Variants in MAK observed in about 807,000 individuals in gnomAD.
MAK encodes the protein male germ cell associated kinase, also known as serine/threonine-protein kinase MAK.
A neutral mutation model predicts 82.6 loss-of-function variants in MAK; 65 were observed. The ratio of observed to expected loss-of-function variants is 0.79; its 90% confidence interval spans 0.64 to 0.97. The LOEUF is 0.97. Ranked by LOEUF, MAK falls within the 50% of genes least tolerant of loss-of-function variation. The pLI, the probability that MAK is intolerant of heterozygous loss-of-function variation, is 0.00. For missense variants in MAK, 703 were observed against 780.2 expected, an observed-to-expected ratio of 0.90 and a Z score of 1.18; for synonymous variants, 250 against 274.2, an observed-to-expected ratio of 0.91 and a Z score of 0.87.
chr6:10,769,046 C>CA (rs1157260727), intron 14 of MAK, among the ~76,000 whole-genome samples: 1 of 152,062 alleles, frequency 6.6e-6, no homozygotes, highest in Non-Finnish European at 1.5e-5. Flanking sequence ...CCTGTCCCTA[C>CA]AAAAAACATT....
At position 10,775,392 on chromosome 6, in the gene MAK, G is replaced by T; in HGVS notation, c.1533C>A (p.Asn511Lys). ...GKEINPHTWS[N>K]QLFPKSLGPV... Reference sequence around the variant, plus strand: ...GTCCCAGTGACTTGGGGAATAACTGGTTGCTCCAAGTGTGGGGGTTTATTT... The same window carrying T: ...GTCCCAGTGACTTGGGGAATAACTGTTTGCTCCAAGTGTGGGGGTTTATTT... The change falls in exon 12 of 15, where the codon AAC (asparagine) becomes AAA (lysine). Residue 511 changes from asparagine (N) to lysine (K), a missense_variant. Asn to Lys is a moderately conservative substitution (Grantham distance 94, BLOSUM62 0). Coordinates refer to ENST00000354489, the MANE Select transcript of MAK (RefSeq NM_001242957.3). 6.2e-7 allele frequency: 1 copy of T among 1,613,976 alleles called. No homozygotes were observed. Among genetic ancestry groups the T allele is most frequent in the African/African-American group, 1.3e-5 (1 of 75,044 alleles).
intron 6 of MAK, among the ~76,000 whole-genome samples, chr6:10,807,387 G>T (rs1478797870): frequency 1.2e-4 from 15 of 126,564 alleles, no homozygotes; most frequent in African/African-American, 4.5e-4. Flanking sequence ...CTGTTGCCCA[G>T]GCTGGAGTTC....
At chr6:10,823,842 T>C (rs1466817632) in intron 2 of MAK, among the ~76,000 whole-genome samples, 1 of 152,216 alleles carries the variant, frequency 6.6e-6, no homozygotes, top group Admixed American at 6.5e-5. Context: ...GAATTTATTT[T>C]TAATTTTAGG....
intron 2 of MAK, among the ~76,000 whole-genome samples, chr6:10,826,268 T>C (rs949909111): frequency 1.3e-5 from 2 of 151,128 alleles, no homozygotes; most frequent in African/African-American, 4.9e-5. Flanking sequence ...AAAAATAATT[T>C]TCTCTCATTC....
intron 2 of MAK, 30 bp from the exon 3 acceptor site, chr6:10,818,970 C>A: frequency 7.7e-7 from 1 of 1,298,562 alleles, no homozygotes; most frequent in South Asian, 1.2e-5. Flanking sequence ...GTTTAGTGTT[C>A]AGGGATTGAG....
chr6:10,813,551 A>G (rs543869266), intron 5 of MAK, 93 bp downstream of exon 5: 43 of 783,624 alleles, frequency 5.5e-5, no homozygotes, highest in African/African-American at 4.9e-4. Context: ...TAGTTATCCA[A>G]TATAACAGTT....
rs145560975 is a variant in MAK, at chr6:10,773,444, T to C, written c.1598-336A>G. Among the ~76,000 whole-genome samples the C allele has an allele frequency of 1.7e-3, 254 of 152,304 alleles. 2 individuals are homozygous for C. Among genetic ancestry groups the C allele is most frequent in the Admixed American group, 0.014 (221 of 15,296 alleles). On this transcript the variant is annotated intron_variant, in intron 12 of 14. Transcript: ENST00000354489. Reference sequence around the variant, plus strand: ...GGATAAACTGAGTTTTTAAAGAATCTGGAAAACTTGTAAAAAGCCCAAATA... The same window carrying C: ...GGATAAACTGAGTTTTTAAAGAATCCGGAAAACTTGTAAAAAGCCCAAATA...
In MAK at chr6:10,810,118, AAG is replaced by A. The variant is rs1229069499; in HGVS notation, c.359-1178_359-1177del. On this transcript the variant is annotated intron_variant, in intron 5 of 14. Transcript: ENST00000354489. ...GTCTCAAAAAAAAAAAAAAAAAAGA[AAG>A]AAAAGAAAAAGAAAACCCAGGGGGA... Among the ~76,000 whole-genome samples, 1,069 of 141,572 alleles carry A rather than the reference AAG, an allele frequency of 7.6e-3. 10 individuals are homozygous for A. Among genetic ancestry groups the A allele is most frequent in the Admixed American group, 0.015 (209 of 14,090 alleles). 92.9% of individuals were successfully genotyped at this position (141,572 alleles called of 152,430 possible).
chr6:10,775,812 AG>A (rs1244373242), intron 11 of MAK, among the ~76,000 whole-genome samples: 1 of 152,170 alleles, frequency 6.6e-6, no homozygotes, highest in Admixed American at 6.5e-5. Context: ...GTTTTGAGAC[AG>A]GGTCTCTCTC....
intron 5 of MAK, among the ~76,000 whole-genome samples, chr6:10,812,823 C>CCACAA (rs1777050427): frequency 6.7e-6 from 1 of 149,910 alleles, no homozygotes; most frequent in Admixed American, 6.7e-5. Flanking sequence ...GAGTGCAATG[C>CCACAA]CACAATATCA....
intron 14 of MAK, among the ~76,000 whole-genome samples, chr6:10,767,125 A>G (rs1311531329): frequency 6.6e-6 from 1 of 151,938 alleles, no homozygotes; most frequent in East Asian, 1.9e-4. Flanking sequence ...GAGCCTTGCA[A>G]TGCTTGCTCT....
intron 4 of MAK, among the ~76,000 whole-genome samples, chr6:10,815,911 A>AGTGTGT (rs1233214233): frequency 0.012 from 917 of 77,402 alleles, 13 homozygotes; most frequent in Middle Eastern, 0.021. Context: ...AGCTTTATAC[A>AGTGTGT]GTATATATAT....
At chr6:10,775,939 C>T (rs1453326933) in intron 11 of MAK, among the ~76,000 whole-genome samples, 4 of 152,128 alleles carry the variant, frequency 2.6e-5, no homozygotes, top group African/African-American at 9.7e-5. Flanking sequence ...CAGGCACCCA[C>T]CACCATGCTT....
At chr6:10,784,198 A>G (rs1774300251) in intron 11 of MAK, among the ~76,000 whole-genome samples, 1 of 152,102 alleles carries the variant, frequency 6.6e-6, no homozygotes, top group South Asian at 2.1e-4. Context: ...TTCTGGAAGC[A>G]TATTCATCAT....
intron 11 of MAK, among the ~76,000 whole-genome samples, 169 bp from the exon 12 acceptor site, chr6:10,775,628 A>C (rs372551381): frequency 3.3e-5 from 5 of 152,334 alleles, no homozygotes; most frequent in African/African-American, 9.6e-5. Flanking sequence ...CTAACATGAT[A>C]CCAAGCCCTT....
At chr6:10,778,105 G>A (rs77299630) in intron 11 of MAK, among the ~76,000 whole-genome samples, 209 of 152,276 alleles carry the variant, frequency 1.4e-3, no homozygotes, top group African/African-American at 4.7e-3. Context: ...GTCATTACAT[G>A]ATGATAATCA....
intron 1 of MAK, among the ~76,000 whole-genome samples, chr6:10,833,091 A>C (rs1233033041): frequency 6.6e-6 from 1 of 152,184 alleles, no homozygotes; most frequent in African/African-American, 2.4e-5. Flanking sequence ...AAATCATAGA[A>C]ATTGCTCCTC....
intron 4 of MAK, among the ~76,000 whole-genome samples, chr6:10,815,945 T>TATATATATATAAAA (rs1171616235): frequency 6.0e-5 from 7 of 116,824 alleles, no homozygotes; most frequent in African/African-American, 2.6e-4. Context: ...TATATATATA[T>TATATATATATAAAA]ATGTATGTTT....
intron 10 of MAK, among the ~76,000 whole-genome samples, chr6:10,785,531 G>A (rs1019845661): frequency 2.0e-5 from 3 of 152,186 alleles, no homozygotes; most frequent in Non-Finnish European, 4.4e-5. Context: ...CACTTGGGTG[G>A]CCCTTTGAAC....
Sources: gnomAD v4.1 joint callset for allele counts (sites outside exome capture counted in the v4.1 genomes callset) on GRCh38, gnomAD v4.1.1 for gene constraint, MANE v1.5 for transcripts, NCBI Gene and HGNC (gene_info 2026-07-23, HGNC 2026-07-21) for gene names.